The following DIP2C variants were observed in gnomAD, a reference collection of about 807,000 sequenced individuals.
The protein encoded by DIP2C is disco-interacting protein 2 homolog C.
A neutral mutation model predicts 192.4 loss-of-function variants in DIP2C; 33 were observed. The ratio of observed to expected loss-of-function variants is 0.17; its 90% CI spans 0.13 to 0.23. The LOEUF (loss-of-function observed/expected upper bound fraction) is 0.23. Among genes scored for constraint, DIP2C ranks in the 10% least tolerant of loss-of-function variants. The pLI is 1.00. For missense variants in DIP2C, 1,537 were observed against 2,110.1 expected (o/e 0.73, Z 5.32); for synonymous variants, 979 against 864.1 (o/e 1.13, Z -2.33).
At chr10:425,118 C>T (rs1382713066) in intron 4 of DIP2C, among the ~76,000 whole-genome samples, 1 of 8,154 alleles carries the variant, frequency 1.2e-4, no homozygotes, top group Non-Finnish European at 5.4e-4. Flanking sequence ...TACAGCATGA[C>T]CAGCAGTGAC....
chr10:355,255 G>C (rs921879017), intron 24 of DIP2C, among the ~76,000 whole-genome samples: 1 of 152,188 alleles, frequency 6.6e-6, no homozygotes, highest in African/African-American at 2.4e-5. Flanking sequence ...CCAATGGCTG[G>C]GATCAACTCA....
intron 1 of DIP2C, among the ~76,000 whole-genome samples, chr10:580,980 AATC>A (rs1850610009): frequency 6.6e-6 from 1 of 152,196 alleles, no homozygotes; most frequent in African/African-American, 2.4e-5. Flanking sequence ...CCTCTTATTT[AATC>A]GAGTTCTGAC....
At chr10:313,668 C>T (rs1191965587) in intron 31 of DIP2C, among the ~76,000 whole-genome samples, 1 of 152,204 alleles carries the variant, frequency 6.6e-6, no homozygotes, top group African/African-American at 2.4e-5. Context: ...CATCTGCAGA[C>T]TTAGGTATCC....
intron 24 of DIP2C, among the ~76,000 whole-genome samples, chr10:353,595 T>C (rs566658327): frequency 6.6e-6 from 1 of 152,298 alleles, no homozygotes; most frequent in East Asian, 1.9e-4. Context: ...TTTCACCATG[T>C]TGGCCAGGCT....
chr10:448,650 CA>C (rs373286126), intron 3 of DIP2C, among the ~76,000 whole-genome samples: 9,213 of 91,994 alleles, frequency 0.1, 2,048 homozygotes, highest in African/African-American at 0.41. Flanking sequence ...CACAGTGGGG[CA>C]AGCAGGACCC....
intron 2 of DIP2C, among the ~76,000 whole-genome samples, chr10:477,224 G>A (rs1253491529): frequency 7.6e-6 from 1 of 131,658 alleles, no homozygotes; most frequent in Non-Finnish European, 1.6e-5. Context: ...CACACAGGAA[G>A]AATGGAGGAA....
chr10:615,804 C>T (rs566820191), intron 1 of DIP2C, among the ~76,000 whole-genome samples: 15 of 152,284 alleles, frequency 9.9e-5, no homozygotes, highest in Non-Finnish European at 1.5e-4. Flanking sequence ...AGATTACACT[C>T]CTCCAAACAG....
intron 1 of DIP2C, among the ~76,000 whole-genome samples, chr10:656,863 A>T (rs1309622551): frequency 6.6e-6 from 1 of 152,218 alleles, no homozygotes; most frequent in Non-Finnish European, 1.5e-5. Context: ...CCTCTCACAG[A>T]AAGGCAGAGG....
chr10:484,955 C>A (rs1378134674), intron 2 of DIP2C: 1 of 1,599,962 alleles, frequency 6.3e-7, no homozygotes, highest in Non-Finnish European at 8.5e-7. Flanking sequence ...GCTGCTGTAA[C>A]AAGTTGAAAA....
intron 10 of DIP2C, among the ~76,000 whole-genome samples, chr10:391,342 C>T (rs547056881): frequency 6.6e-6 from 1 of 152,374 alleles, no homozygotes; most frequent in East Asian, 1.9e-4. Context: ...CCAGGCAGGG[C>T]ACCTCGGCCA....
intron 1 of DIP2C, among the ~76,000 whole-genome samples, chr10:683,558 C>T (rs751445382): frequency 5.9e-5 from 9 of 152,274 alleles, no homozygotes; most frequent in African/African-American, 1.9e-4. Context: ...CACCAAAGGG[C>T]GCCATAGACG....
intron 22 of DIP2C, among the ~76,000 whole-genome samples, chr10:358,399 C>T (rs902942368): frequency 6.0e-5 from 9 of 149,280 alleles, no homozygotes; most frequent in South Asian, 2.2e-4. Context: ...ATACAGATGT[C>T]GTGGGGTGGA....
chr10:573,247 G>T (rs936904537), intron 1 of DIP2C, among the ~76,000 whole-genome samples: 7 of 152,134 alleles, frequency 4.6e-5, no homozygotes, highest in Non-Finnish European at 1.0e-4. Context: ...ATGATCAAGA[G>T]AAGCCTACTT....
chr10:522,300 T>G (rs1846763052), intron 1 of DIP2C, among the ~76,000 whole-genome samples: 1 of 152,252 alleles, frequency 6.6e-6, no homozygotes, highest in Non-Finnish European at 1.5e-5. Flanking sequence ...CAGTTTCTGA[T>G]GTACCACAGT....
chr10:367,557 G>A (rs1960426899), intron 18 of DIP2C, among the ~76,000 whole-genome samples: 1 of 152,202 alleles, frequency 6.6e-6, no homozygotes, highest in Non-Finnish European at 1.5e-5. Context: ...GCAGGGTACA[G>A]CTTCACAACC....
chr10:315,185 AT>A (rs1320582450), intron 31 of DIP2C, among the ~76,000 whole-genome samples: 2 of 152,160 alleles, frequency 1.3e-5, no homozygotes, highest in Admixed American at 1.3e-4. Flanking sequence ...CTCATCTGTT[AT>A]TCCTACACAT....
At chr10:376,720 C>T (rs1243585737) in intron 17 of DIP2C, among the ~76,000 whole-genome samples, 1 of 152,168 alleles carries the variant, frequency 6.6e-6, no homozygotes, top group East Asian at 1.9e-4. Flanking sequence ...TTTCTTTCCT[C>T]TCTGGGCCAC....
intron 17 of DIP2C, among the ~76,000 whole-genome samples, chr10:379,079 G>GC (rs1962042024): frequency 6.6e-6 from 1 of 151,812 alleles, no homozygotes; most frequent in South Asian, 2.1e-4. Context: ...GCAGTGACCT[G>GC]CCTGCAGCGC....
chr10:505,159 A>C (rs1394165520), intron 1 of DIP2C, among the ~76,000 whole-genome samples: 1 of 152,222 alleles, frequency 6.6e-6, no homozygotes, highest in East Asian at 1.9e-4. Flanking sequence ...CAACGGGTCC[A>C]GTCATGTTCC....
Sources: allele counts gnomAD v4.1 joint callset (sites outside exome capture counted in the v4.1 genomes callset), GRCh38; gene constraint gnomAD v4.1.1; transcripts MANE v1.5; gene names NCBI Gene and HGNC (gene_info 2026-07-23, HGNC 2026-07-21).